The following LRRTM4 variants were observed in gnomAD, a reference collection of about 807,000 sequenced individuals.
LRRTM4 encodes the protein leucine rich repeat transmembrane neuronal 4, also known as leucine-rich repeat transmembrane neuronal protein 4.
Under a neutral mutation model 47.6 loss-of-function variants are expected in LRRTM4, and 25 were observed. The observed-to-expected ratio is 0.53, with a 90% CI of 0.38 to 0.73. LRRTM4 has a LOEUF of 0.73. Among genes scored for constraint, LRRTM4 ranks in the 30% least tolerant of loss-of-function variants. The probability of loss-of-function intolerance (pLI) is 0.00; values close to 1 mark genes in which losing one functional copy is unlikely to be tolerated. For synonymous variants in LRRTM4, 311 were observed against 269.5 expected (o/e 1.15, Z -1.51); for missense variants, 638 against 713.4 (o/e 0.89, Z 1.20).
intron 3 of LRRTM4, among the ~76,000 whole-genome samples, chr2:77,403,298 T>G (rs2103841015): frequency 6.6e-6 from 1 of 152,068 alleles, no homozygotes; most frequent in South Asian, 2.1e-4. Flanking sequence ...GCCATTTGGT[T>G]TCAGGGCTCC....
chr2:76,976,477 T>C (rs1238394805), intron 3 of LRRTM4, among the ~76,000 whole-genome samples: 1 of 151,662 alleles, frequency 6.6e-6, no homozygotes, highest in Non-Finnish European at 1.5e-5. Context: ...AGACAAAATG[T>C]TAACTTTTTA....
chr2:77,267,561 C>T (rs1676080496), intron 3 of LRRTM4, among the ~76,000 whole-genome samples: 2 of 152,162 alleles, frequency 1.3e-5, no homozygotes, highest in African/African-American at 4.8e-5. Flanking sequence ...CCCATTAGGC[C>T]TCACTCTCTC....
intron 3 of LRRTM4, among the ~76,000 whole-genome samples, chr2:76,831,201 G>A (rs1671341860): frequency 6.6e-6 from 1 of 152,078 alleles, no homozygotes; most frequent in Non-Finnish European, 1.5e-5. Context: ...ATGTATGTGT[G>A]CATATGTGTG....
chr2:77,330,332 C>T (rs1366982726), intron 3 of LRRTM4, among the ~76,000 whole-genome samples: 1 of 152,038 alleles, frequency 6.6e-6, no homozygotes, highest in Non-Finnish European at 1.5e-5. Context: ...AAATGACTTG[C>T]TAACTACTCA....
intron 3 of LRRTM4, among the ~76,000 whole-genome samples, chr2:77,321,962 G>A (rs1677806367): frequency 6.6e-6 from 1 of 152,186 alleles, no homozygotes; most frequent in Admixed American, 6.5e-5. Context: ...GATTGAAGAA[G>A]ATTATTTCAA....
At chr2:77,175,661 A>C (rs899869655) in intron 3 of LRRTM4, among the ~76,000 whole-genome samples, 1 of 152,130 alleles carries the variant, frequency 6.6e-6, no homozygotes, top group Admixed American at 6.6e-5. Context: ...AAAAAATACC[A>C]TGGGCCCCCA....
At chr2:76,873,088 A>G (rs1426287292) in intron 3 of LRRTM4, among the ~76,000 whole-genome samples, 1 of 152,146 alleles carries the variant, frequency 6.6e-6, no homozygotes, top group African/African-American at 2.4e-5. Context: ...CTTTATAACA[A>G]CACAACTGAA....
At chr2:77,451,844 T>C (rs1676267056) in intron 3 of LRRTM4, among the ~76,000 whole-genome samples, 1 of 152,064 alleles carries the variant, frequency 6.6e-6, no homozygotes, top group South Asian at 2.1e-4. Context: ...GAGACACAAA[T>C]AGTGAGAAGG....
chr2:76,884,806 G>C (rs954816496), intron 3 of LRRTM4, among the ~76,000 whole-genome samples: 2 of 151,918 alleles, frequency 1.3e-5, no homozygotes, highest in African/African-American at 4.8e-5. Flanking sequence ...GTAAACAGTG[G>C]ATAAATACTT....
intron 3 of LRRTM4, among the ~76,000 whole-genome samples, chr2:77,136,401 C>G (rs548370985): frequency 6.6e-6 from 1 of 152,288 alleles, no homozygotes; most frequent in South Asian, 2.1e-4. Flanking sequence ...CTCCACCAGA[C>G]CTGCATCTGA....
At chr2:77,417,847 C>CA (rs1558734095) in intron 3 of LRRTM4, among the ~76,000 whole-genome samples, 1 of 151,996 alleles carries the variant, frequency 6.6e-6, no homozygotes, top group African/African-American at 2.4e-5. Flanking sequence ...ACCAACATGG[C>CA]ACATGTATAC....
Position 76,908,045 on chromosome 2 carries a change from C to G in LRRTM4, c.1552-159129G>C, listed in dbSNP as rs375825890. ...GCTGGGCAGAGACACAGCCAAAAAA[C>G]AGAATTTTAGACCAATATCCTTGAT... On this transcript the variant is annotated intron_variant, in intron 3 of 3. Transcript: ENST00000409884. Among the ~76,000 whole-genome samples the G allele has an allele frequency of 8.2e-4, 124 of 152,008 alleles. 4 individuals are homozygous for G. The East Asian group carries it at 0.015, about 18-fold the overall frequency.
intron 3 of LRRTM4, among the ~76,000 whole-genome samples, chr2:76,920,630 G>T (rs1439304051): frequency 6.7e-6 from 1 of 148,176 alleles, no homozygotes; most frequent in Non-Finnish European, 1.5e-5. Context: ...GTAGATACTT[G>T]GAGCTGGTTT....
At chr2:76,749,480 A>T in intron 3 of LRRTM4, among the ~76,000 whole-genome samples, 1 of 152,150 alleles carries the variant, frequency 6.6e-6, no homozygotes, top group Admixed American at 6.5e-5. Context: ...ATTTAGTTTT[A>T]AAAAATAATC....
At chr2:77,403,739 C>T (rs189405565) in intron 3 of LRRTM4, among the ~76,000 whole-genome samples, 1 of 151,528 alleles carries the variant, frequency 6.6e-6, no homozygotes, top group East Asian at 1.9e-4. Context: ...ATTTTGATAC[C>T]ATTGTCTTAG....
intron 3 of LRRTM4, among the ~76,000 whole-genome samples, chr2:77,031,846 C>T (rs185590796): frequency 3.9e-4 from 59 of 152,192 alleles, no homozygotes; most frequent in African/African-American, 1.4e-3. Flanking sequence ...TGACTGTCTG[C>T]CTACTTGACA....
At chr2:77,296,819 C>T (rs931693442) in intron 3 of LRRTM4, among the ~76,000 whole-genome samples, 1 of 152,126 alleles carries the variant, frequency 6.6e-6, no homozygotes, top group African/African-American at 2.4e-5. Flanking sequence ...TAGAACGATG[C>T]CCAAGGTGAG....
intron 3 of LRRTM4, among the ~76,000 whole-genome samples, chr2:77,169,559 CTCCTCT>C (rs1419989727): frequency 0.028 from 4,272 of 152,168 alleles, 212 homozygotes; most frequent in African/African-American, 0.096. Flanking sequence ...TGGGTTAATG[CTCCTCT>C]CCTGAGACTG....
chr2:77,412,106 A>G (rs1405460032), intron 3 of LRRTM4, among the ~76,000 whole-genome samples: 1 of 150,432 alleles, frequency 6.6e-6, no homozygotes, highest in Non-Finnish European at 1.5e-5. Flanking sequence ...GCTGAGTTCT[A>G]CCTTTGATTT....
Sources: allele counts gnomAD v4.1 joint callset (sites outside exome capture counted in the v4.1 genomes callset), GRCh38; gene constraint gnomAD v4.1.1; transcripts MANE v1.5; gene names NCBI Gene and HGNC (gene_info 2026-07-23, HGNC 2026-07-21).